The following ARID1B variants were observed in gnomAD, a reference collection of about 807,000 sequenced individuals.
ARID1B encodes AT-rich interaction domain 1B.
In ARID1B, 30 loss-of-function variants were observed where a neutral mutation model predicts 212.3. The observed-to-expected ratio is 0.14, with a 90% CI of 0.11 to 0.19. The LOEUF (loss-of-function observed/expected upper bound fraction) is 0.19, where lower values mean the gene tolerates loss of function less well. Ranked by LOEUF, ARID1B falls within the 10% of genes least tolerant of loss-of-function variation. ARID1B has a pLI of 1.00. For synonymous variants in ARID1B, 1,402 were observed against 1,301.7 expected (o/e 1.08, Z -1.66); for missense variants, 2,891 against 3,204.0 (o/e 0.90, Z 2.36).
chr6:157,054,873 C>T (rs1265668959), intron 4 of ARID1B, among the ~76,000 whole-genome samples: 7 of 152,206 alleles, frequency 4.6e-5, no homozygotes, highest in African/African-American at 1.4e-4. Flanking sequence ...CTGTCTCAGC[C>T]GTACCTCATT....
chr6:156,812,087 ATGT>A (rs1213537661), intron 1 of ARID1B, among the ~76,000 whole-genome samples: 3 of 152,200 alleles, frequency 2.0e-5, no homozygotes, highest in Non-Finnish European at 2.9e-5. Context: ...TGCTCATTAA[ATGT>A]TGTCTGTTGT....
Position 156,778,655 on chromosome 6 carries a change from C to G in ARID1B, c.975C>G (p.Gly325=), listed in dbSNP as rs2114981559. 1 of 1,480,392 alleles carries G rather than the reference C, an allele frequency of 6.8e-7. No individual in the cohort carries two copies. The highest frequency in any genetic ancestry group is 9.0e-7 in the Non-Finnish European group (1 of 1,113,004). The allele number at this position is 1,480,392 out of a possible 1,614,324, so 91.7% of individuals were successfully genotyped here. ...ATGGCAGCGCTGCCCCTGCGAGCGG[C>G]GGCCCCGGCGGCCGCGCTGGGCCTT... ...NYYGSAAPAS[G]GPGGRAGPCF... is the part of the protein sequence containing the mutation. Residue 325 remains glycine (G), a synonymous_variant, in exon 1 of 20, where the codon GGC becomes GGG. Transcript: ENST00000636930.
At chr6:157,128,510 C>A (rs1788307493) in intron 6 of ARID1B, among the ~76,000 whole-genome samples, 1 of 152,104 alleles carries the variant, frequency 6.6e-6, no homozygotes, top group Admixed American at 6.5e-5. Context: ...ATAGAGATAC[C>A]CTGTCTCAAA....
intron 7 of ARID1B, among the ~76,000 whole-genome samples, chr6:157,143,101 G>A (rs1018961114): frequency 2.0e-5 from 3 of 152,198 alleles, no homozygotes; most frequent in Middle Eastern, 3.2e-3. Context: ...GTGCTTGAAT[G>A]GAACTCCTGG....
chr6:156,796,780 G>T (rs1451358309), intron 1 of ARID1B, among the ~76,000 whole-genome samples: 1 of 152,236 alleles, frequency 6.6e-6, no homozygotes, highest in Non-Finnish European at 1.5e-5. Context: ...GCAGGCTAGT[G>T]TGTGGGGCTG....
intron 1 of ARID1B, among the ~76,000 whole-genome samples, chr6:156,791,550 T>G (rs1304521691): frequency 6.6e-6 from 1 of 152,240 alleles, no homozygotes; most frequent in African/African-American, 2.4e-5. Context: ...CTCTGTGAAT[T>G]GAAACTTGCT....
chr6:157,032,663 A>G (rs535048582), intron 4 of ARID1B, among the ~76,000 whole-genome samples: 2 of 152,340 alleles, frequency 1.3e-5, no homozygotes, highest in South Asian at 4.1e-4. Context: ...ATTAATTGAC[A>G]TGGAACAATG....
intron 2 of ARID1B, among the ~76,000 whole-genome samples, chr6:156,841,688 T>A (rs1166462034): frequency 1.3e-5 from 2 of 152,182 alleles, no homozygotes; most frequent in Non-Finnish European, 1.5e-5. Context: ...ATTGAGGGCT[T>A]ACTCTGGGTC....
intron 8 of ARID1B, among the ~76,000 whole-genome samples, chr6:157,158,710 C>A (rs868610326): frequency 6.6e-6 from 1 of 152,190 alleles, no homozygotes; most frequent in African/African-American, 2.4e-5. Flanking sequence ...TAGCAGTTCA[C>A]TCCCCTTTAT....
At chr6:157,173,750 T>C (rs2128303300) in intron 9 of ARID1B, 2 of 321,446 alleles carry the variant, frequency 6.2e-6, no homozygotes, top group East Asian at 1.0e-4. Context: ...AATATTGATA[T>C]AAGTTGACCT....
chr6:157,125,722 G>A (rs561180439), intron 6 of ARID1B, among the ~76,000 whole-genome samples: 2 of 152,314 alleles, frequency 1.3e-5, no homozygotes, highest in East Asian at 3.9e-4. Flanking sequence ...TTATTTGTCA[G>A]ATGTCTGTGT....
chr6:157,133,477 CT>C (rs1788692571), intron 7 of ARID1B, among the ~76,000 whole-genome samples: 2 of 152,170 alleles, frequency 1.3e-5, no homozygotes, highest in African/African-American at 2.4e-5. Context: ...TAGGGGACCC[CT>C]ATCTTCTGTG....
chr6:156,907,359 T>C (rs1789485554), intron 3 of ARID1B, among the ~76,000 whole-genome samples: 1 of 152,214 alleles, frequency 6.6e-6, no homozygotes, highest in Admixed American at 6.5e-5. Flanking sequence ...ATTGAGATGA[T>C]CACTTTGTAT....
chr6:156,925,388 A>C (rs1224425380), intron 3 of ARID1B, among the ~76,000 whole-genome samples: 1 of 152,200 alleles, frequency 6.6e-6, no homozygotes, highest in Non-Finnish European at 1.5e-5. Context: ...ACACACCTGT[A>C]GTCCCAGCTA....
intron 4 of ARID1B, among the ~76,000 whole-genome samples, chr6:156,982,271 T>G (rs1409290877): frequency 5.9e-5 from 9 of 152,188 alleles, no homozygotes; most frequent in African/African-American, 1.9e-4. Context: ...AGATAAAAGC[T>G]TCTGACTTCT....
intron 8 of ARID1B, among the ~76,000 whole-genome samples, chr6:157,163,009 G>A (rs935410456): frequency 6.6e-6 from 1 of 152,162 alleles, no homozygotes; most frequent in African/African-American, 2.4e-5. Flanking sequence ...TGCTTTTCCG[G>A]GTACAGCTTA....
chr6:157,122,341 A>C (rs1040993671), intron 6 of ARID1B, among the ~76,000 whole-genome samples: 5 of 152,256 alleles, frequency 3.3e-5, no homozygotes, highest in African/African-American at 1.2e-4. Flanking sequence ...TATTCACAAG[A>C]GAATGCCCCT....
chr6:157,175,100 A>G, intron 11 of ARID1B, 95 bp downstream of exon 11: 3 of 1,062,546 alleles, frequency 2.8e-6, no homozygotes, highest in Non-Finnish European at 3.7e-6. Flanking sequence ...TTGCTTGTTT[A>G]TTTGTTTTGT....
At chr6:157,076,398 C>G (rs572297458) in intron 4 of ARID1B, among the ~76,000 whole-genome samples, 5 of 151,656 alleles carry the variant, frequency 3.3e-5, no homozygotes, top group African/African-American at 4.8e-5. Context: ...CAATAGTGTC[C>G]TACAGCCTTG....
Sources: gnomAD v4.1 joint callset for allele counts (sites outside exome capture counted in the v4.1 genomes callset) on GRCh38, gnomAD v4.1.1 for gene constraint, MANE v1.5 for transcripts, NCBI Gene and HGNC (gene_info 2026-07-23, HGNC 2026-07-21) for gene names.